SP1: variants seen among roughly 807,000 people sequenced by gnomAD.
The protein encoded by SP1 is transcription factor Sp1.
Under a neutral mutation model 66.3 loss-of-function variants are expected in SP1, and 6 were observed. The observed-to-expected ratio is 0.09, with a 90% CI of 0.05 to 0.18. The LOEUF (loss-of-function observed/expected upper bound fraction) is 0.18. Ranked by LOEUF, SP1 falls within the 10% of genes least tolerant of loss-of-function variation. SP1 has a pLI of 1.00. For synonymous variants in SP1, 417 were observed against 360.8 expected, an observed-to-expected ratio of 1.16 and a Z score of -1.77; for missense variants, 848 against 964.5, an observed-to-expected ratio of 0.88 and a Z score of 1.60.
chr12:53,380,253 C>CCCCGGCGG lies in SP1; in HGVS notation c.-39_-38insCCCGGCGG. On this transcript the variant is annotated 5_prime_UTR_variant, in exon 1 of 6. Transcript: ENST00000327443. ...TTTTCCCGGCCCCCCCCAACCCCCC[C>CCCCGGCGG]GGACAGGACCCCCTTGAGCTTGTCC... is the stretch of plus-strand genomic sequence containing the variant. 1 of 1,522,880 alleles carries CCCCGGCGG rather than the reference C, an allele frequency of 6.6e-7. No individual in the cohort carries two copies. The highest frequency in any genetic ancestry group is 9.1e-7 in the Non-Finnish European group (1 of 1,099,984). The allele number at this position is 1,522,880 out of a possible 1,614,324, so 94.3% of individuals were successfully genotyped here. A position where few individuals can be genotyped will look rare whatever the true frequency, so the allele number is the denominator to read the frequency against.
At chr12:53,399,364 C>T (rs984373542) in intron 3 of SP1, among the ~76,000 whole-genome samples, 4 of 151,698 alleles carry the variant, frequency 2.6e-5, no homozygotes, top group South Asian at 2.1e-4. Flanking sequence ...GACGGAATCT[C>T]GCTCTGTCGC....
intron 3 of SP1, among the ~76,000 whole-genome samples, chr12:53,389,776 G>C (rs1938309515): frequency 6.6e-6 from 1 of 152,098 alleles, no homozygotes; most frequent in Non-Finnish European, 1.5e-5. Flanking sequence ...GCCGCAGGTT[G>C]ACGGGGAGTT....
At chr12:53,402,520 C>T (rs1485490243) in intron 3 of SP1, among the ~76,000 whole-genome samples, 1 of 151,834 alleles carries the variant, frequency 6.6e-6, no homozygotes, top group Non-Finnish European at 1.5e-5. Context: ...TTGCGCCCGG[C>T]CTGGACTGCT....
At position 53,381,783 on chromosome 12, in the gene SP1, C is replaced by T. The variant is rs746437524; in HGVS notation, c.132C>T (p.Gly44=). ...CACAGGCTCGAAGTAGCAGCACAGGCAGTAGCAGCAGCACTGGAGGAGGAG... is the reference window on the plus strand; with the variant it reads ...CACAGGCTCGAAGTAGCAGCACAGGTAGTAGCAGCAGCACTGGAGGAGGAG... ...AFSQARSSST[G]SSSSTGGGGQ... The change falls in exon 2 of 6, where the codon GGC becomes GGT. Residue 44 remains glycine, a synonymous_variant. Transcript: ENST00000327443. The T allele has an allele frequency of 1.2e-6, 2 of 1,613,980 alleles. No individual in the cohort carries two copies. The highest frequency in any genetic ancestry group is 1.7e-6 in the Non-Finnish European group (2 of 1,179,950).
In SP1 at chr12:53,383,491, C is replaced by G; in HGVS notation, c.1544C>G (p.Thr515Arg). The G allele has an allele frequency of 6.2e-7, 1 of 1,614,214 alleles. No individual in the cohort carries two copies. The highest frequency in any genetic ancestry group is 8.5e-7 in the Non-Finnish European group (1 of 1,180,042). ...IASAASIPAG[T>R]VTVNAAQLSS... ...TCAGCTGCTTCCATTCCTGCTGGCA[C>G]AGTCACTGTGAATGCTGCTCAACTC... is the stretch of plus-strand genomic sequence containing the variant. Residue 515 changes from threonine (T) to arginine (R), a missense_variant, in exon 3 of 6, where the codon ACA becomes AGA. Physicochemically the swap from Thr to Arg is moderately conservative, Grantham distance 71 (BLOSUM62 -1). Around this residue, in one of 7 missense-constraint regions of SP1, gnomAD observed 606 missense variants for 589.9 expected, o/e 1.03. Transcript: ENST00000327443.
In SP1 at chr12:53,411,029, G is replaced by A. The variant is rs558010545; in HGVS notation, c.2147G>A (p.Gly716Asp). Residue 716 changes from glycine (G) to aspartate (D), a missense_variant, in exon 6 of 6, where the codon GGT becomes GAT. Gly to Asp is a moderately conservative substitution (Grantham distance 94). Coordinates refer to ENST00000327443, the MANE Select transcript of SP1 (RefSeq NM_138473.3). ...CACCAGAATAAGAAGGGAGGCCCAG[G>A]TGTAGCTCTGAGTGTGGGCACTTTG... The part of the protein sequence containing the change: ...KTHQNKKGGP[G>D]VALSVGTLPL... 1.5e-5 allele frequency: 25 copies of A among 1,614,182 alleles called. No individual in the cohort carries two copies. The East Asian group carries it at 2.2e-4, about 14-fold the overall frequency.
Position 53,411,190 on chromosome 12 carries a change from A to T in SP1, c.2308A>T (p.Met770Leu). The T allele has an allele frequency of 6.2e-7, 1 of 1,613,864 alleles. No individual in the cohort carries two copies. The highest frequency in any genetic ancestry group is 1.1e-5 in the South Asian group (1 of 91,068). ...TCTTGCCAACAGTGGCATCAACGTCATGCAGGTGGCAGATCTGCAGTCCAT... is the reference window on the plus strand; with the variant it reads ...TCTTGCCAACAGTGGCATCAACGTCTTGCAGGTGGCAGATCTGCAGTCCAT... Reference protein sequence around the residue: ...ARLANSGINVMQVADLQSINI... With the variant: ...ARLANSGINVLQVADLQSINI... The change falls in exon 6 of 6, where the codon ATG (methionine) becomes TTG (leucine). Residue 770 changes from methionine (M) to leucine (L), a missense_variant. Met to Leu is a conservative substitution (Grantham distance 15). This residue lies in a region of SP1 where 73 missense variants were observed against 91.9 expected (regional missense o/e 0.79). Transcript: ENST00000327443.
In SP1 at chr12:53,381,751, G is replaced by T. The variant is rs768972404; in HGVS notation, c.100G>T (p.Ala34Ser). The T allele has an allele frequency of 8.7e-6, 14 of 1,614,166 alleles. No homozygotes were observed. The highest frequency in any genetic ancestry group is 1.0e-5 in the Non-Finnish European group (12 of 1,180,006). The change falls in exon 2 of 6, where the codon GCC becomes TCC. Residue 34 changes from alanine to serine, a missense_variant. By Grantham distance (99) the Ala-to-Ser change is moderately conservative. Around this residue, in one of 7 missense-constraint regions of SP1, gnomAD observed 84 missense variants for 73.9 expected, o/e 1.14. Transcript: ENST00000327443. ...NNGGNGNGGG[A>S]FSQARSSSTG... Reference sequence around the variant, plus strand: ...TGGGGGCAATGGTAATGGTGGTGGTGCCTTTTCACAGGCTCGAAGTAGCAG... The same window carrying T: ...TGGGGGCAATGGTAATGGTGGTGGTTCCTTTTCACAGGCTCGAAGTAGCAG...
chr12:53,389,521 A>G (rs913901919), intron 3 of SP1, among the ~76,000 whole-genome samples: 1 of 151,470 alleles, frequency 6.6e-6, no homozygotes, highest in Non-Finnish European at 1.5e-5. Context: ...TAATTTTTGC[A>G]TTTTTAGTAG....
At position 53,383,393 on chromosome 12, in the gene SP1, C is replaced by T; in HGVS notation, c.1446C>T (p.Ile482=). The T allele has an allele frequency of 6.2e-7, 1 of 1,614,234 alleles. No individual in the cohort carries two copies. Among genetic ancestry groups the T allele is most frequent in the Non-Finnish European group, 8.5e-7 (1 of 1,180,034 alleles). The stretch of plus-strand genomic sequence containing the variant: ...TTCAGAACCCACAAGCCCAAACAAT[C>T]ACCTTAGCCCCAATGCAGGGTGTTT... ...LQVQNPQAQT[I]TLAPMQGVSL... Residue 482 remains isoleucine, a synonymous_variant, in exon 3 of 6, where the codon ATC becomes ATT. Coordinates refer to ENST00000327443, the MANE Select transcript of SP1 (RefSeq NM_138473.3).
Position 53,382,525 on chromosome 12 carries a change from G to A in SP1, c.578G>A (p.Gly193Glu). 1 of 1,614,134 alleles carries A rather than the reference G, an allele frequency of 6.2e-7. No homozygotes were observed. Among genetic ancestry groups the A allele is most frequent in the Non-Finnish European group, 8.5e-7 (1 of 1,180,034 alleles). ...CAACAGCTGCAGTTTGCTGCCACTG[G>A]GGCCCAAGTGCAGCAGGATGGTTCT... ...DGQQLQFAAT[G>E]AQVQQDGSGQ... Residue 193 changes from glycine (G) to glutamate (E), a missense_variant, in exon 3 of 6, where the codon GGG (glycine) becomes GAG (glutamate). Around this residue, in one of 7 missense-constraint regions of SP1, gnomAD observed 606 missense variants for 589.9 expected, o/e 1.03. Transcript: ENST00000327443.
chr12:53,382,400 C>A lies in SP1; in HGVS notation c.453C>A (p.Ala151=), dbSNP rs146930500. 1.2e-6 allele frequency: 2 copies of A among 1,614,022 alleles called. No homozygotes were observed. The highest frequency in any genetic ancestry group is 1.7e-6 in the Non-Finnish European group (2 of 1,180,028). The change falls in exon 3 of 6, where the codon GCC becomes GCA. Residue 151 remains alanine (A), a synonymous_variant. Coordinates refer to ENST00000327443, the MANE Select transcript of SP1 (RefSeq NM_138473.3). The part of the protein sequence containing the change: ...TVSGGQYVVA[A]APNLQNQQVL... ...CTGGTGGGCAGTATGTTGTGGCTGC[C>A]GCTCCCAACTTACAGAACCAGCAAG...
chr12:53,412,681 AAG>A lies in SP1; in HGVS notation c.*1443_*1444del, dbSNP rs1178348645. 1 of 152,608 alleles carries A rather than the reference AAG, an allele frequency of 6.6e-6. No homozygotes were observed. The highest frequency in any genetic ancestry group is 1.5e-5 in the Non-Finnish European group (1 of 68,028). 9.5% of individuals were successfully genotyped at this position (152,608 alleles called of 1,614,324 possible). On this transcript the variant is annotated 3_prime_UTR_variant, in exon 6 of 6. Transcript: ENST00000327443. ...CATGGGAATGATAGCCCAGAACAAAAAGAAATCTTGTCTTACCACAGTGTTTT... is the reference window on the plus strand; with the variant it reads ...CATGGGAATGATAGCCCAGAACAAAAAAATCTTGTCTTACCACAGTGTTTT...
Position 53,381,710 on chromosome 12 carries a change from G to C in SP1, c.59G>C (p.Gly20Ala). ...EMTAVVKIEKGVGGNNGGNGN... is the reference protein window; with the variant it reads ...EMTAVVKIEKAVGGNNGGNGN... ...ACAGCTGTGGTGAAAATTGAAAAAG[G>C]AGTTGGTGGCAATAATGGGGGCAAT... Residue 20 changes from glycine (G) to alanine (A), a missense_variant, in exon 2 of 6, where the codon GGA becomes GCA. This residue lies in a region of SP1 where 84 missense variants were observed against 73.9 expected (regional missense o/e 1.14). Coordinates refer to ENST00000327443, the MANE Select transcript of SP1 (RefSeq NM_138473.3). 6.2e-7 allele frequency: 1 copy of C among 1,614,072 alleles called. No homozygotes were observed. The highest frequency in any genetic ancestry group is 8.5e-7 in the Non-Finnish European group (1 of 1,179,972).
intron 3 of SP1, among the ~76,000 whole-genome samples, chr12:53,387,081 G>T (rs1024122495): frequency 6.6e-6 from 1 of 151,804 alleles, no homozygotes; most frequent in Admixed American, 6.6e-5. Flanking sequence ...CTCCCGAGTA[G>T]CTGGGATTAC....
At chr12:53,387,760 C>T (rs1278116377) in intron 3 of SP1, among the ~76,000 whole-genome samples, 1 of 152,020 alleles carries the variant, frequency 6.6e-6, no homozygotes, top group Non-Finnish European at 1.5e-5. Context: ...CTGAGACAGG[C>T]GGATCATGAG....
intron 3 of SP1, among the ~76,000 whole-genome samples, chr12:53,405,668 A>G (rs938507137): frequency 6.6e-6 from 1 of 151,416 alleles, no homozygotes; most frequent in Non-Finnish European, 1.5e-5. Flanking sequence ...TCTCAAAAAA[A>G]GAAAGGAAAG....
Position 53,416,303 on chromosome 12 carries a change from CCTTT to C in SP1, c.*5067_*5070del, listed in dbSNP as rs1393498690. ...TTTCTTCCTGCTCCTTTTGTATCTTCCTTTCTTGTCTTTCCTCCTACCTTTTGTC... is the reference window on the plus strand; with the variant it reads ...TTTCTTCCTGCTCCTTTTGTATCTTCCTTGTCTTTCCTCCTACCTTTTGTC... On this transcript the variant is annotated 3_prime_UTR_variant, in exon 6 of 6. Coordinates refer to ENST00000327443, the MANE Select transcript of SP1 (RefSeq NM_138473.3). The C allele has an allele frequency of 2.0e-5, 3 of 150,118 alleles. No homozygotes were observed. The highest frequency in any genetic ancestry group is 1.9e-4 in the East Asian group (1 of 5,170). The allele number at this position is 150,118 out of a possible 1,614,324, so 9.3% of individuals were successfully genotyped here. A position where few individuals can be genotyped will look rare whatever the true frequency, so the allele number is the denominator to read the frequency against.
In SP1 at chr12:53,392,649, G is replaced by A. The variant is rs1323862839; in HGVS notation, c.1675+9027G>A. ...TGGGATTACAGGCGTGAGCCACCGC[G>A]CCCGGCCTAATTTTTTTGTATATTT... On this transcript the variant is annotated intron_variant, in intron 3 of 5. Coordinates refer to ENST00000327443, the MANE Select transcript of SP1 (RefSeq NM_138473.3). 1.3e-5 allele frequency among the ~76,000 whole-genome samples: 2 copies of A among 151,528 alleles called. 1 individual carries two copies. Among genetic ancestry groups the A allele is most frequent in the Non-Finnish European group, 2.9e-5 (2 of 67,908 alleles).
Sources: gnomAD v4.1 joint callset for allele counts (sites outside exome capture counted in the v4.1 genomes callset) on GRCh38, gnomAD v4.1.1 for gene constraint, gnomAD v4.1.1 regional missense constraint, MANE v1.5 for transcripts, NCBI Gene and HGNC (gene_info 2026-07-23, HGNC 2026-07-21) for gene names.